Variants in ZNF334 observed in about 807,000 individuals in gnomAD.
ZNF334 encodes the protein zinc finger protein 334.
A neutral mutation model predicts 12.4 loss-of-function variants in ZNF334; 14 were observed. The ratio of observed to expected loss-of-function variants is 1.13; its 90% CI spans 0.74 to 1.76. ZNF334 has a LOEUF of 1.76. Ranked by LOEUF, ZNF334 falls within the 40% of genes most tolerant of loss-of-function variation. The pLI, the probability that ZNF334 is intolerant of heterozygous loss-of-function variation, is 0.00. For synonymous variants in ZNF334, 273 were observed against 269.6 expected (o/e 1.01, Z -0.12); for missense variants, 797 against 804.5 (o/e 0.99, Z 0.11).
In ZNF334 at chr20:46,500,417, T is replaced by C. The variant is rs1478225581; in HGVS notation, c.*879A>G. On this transcript the variant is annotated 3_prime_UTR_variant, in exon 5 of 5. Coordinates refer to ENST00000692313, the MANE Select transcript of ZNF334 (RefSeq NM_001353824.2). ...TGATCAGTGACTTCTAAACAATACCTCTAATGAACATGTTGATTAGGAAAT... is the reference window on the plus strand; with the variant it reads ...TGATCAGTGACTTCTAAACAATACCCCTAATGAACATGTTGATTAGGAAAT... 6 of 152,208 alleles carry C rather than the reference T, an allele frequency of 3.9e-5. No homozygotes were observed. Among genetic ancestry groups the C allele is most frequent in the Admixed American group, 3.9e-4 (6 of 15,288 alleles). The allele number at this position is 152,208 out of a possible 1,614,324, so 9.4% of individuals were successfully genotyped here. A position where few individuals can be genotyped will look rare whatever the true frequency, so the allele number is the denominator to read the frequency against.
Position 46,501,532 on chromosome 20 carries a change from T to G in ZNF334, c.1807A>C (p.Asn603His). Residue 603 changes from asparagine to histidine, a missense_variant, in exon 5 of 5, where the codon AAT (asparagine) becomes CAT (histidine). Physicochemically the swap from Asn to His is moderately conservative, Grantham distance 68 (BLOSUM62 1). Coordinates refer to ENST00000692313, the MANE Select transcript of ZNF334 (RefSeq NM_001353824.2). ...TGGCAGAAGGATTTCCCACATTCAT[T>G]ACATTCATATGGTTTCTCCCCAGTG... The part of the protein sequence containing the change: ...THTGEKPYEC[N>H]ECGKSFCHKS... 6.2e-7 allele frequency: 1 copy of G among 1,614,182 alleles called. No individual in the cohort carries two copies. Among genetic ancestry groups the G allele is most frequent in the Non-Finnish European group, 8.5e-7 (1 of 1,180,000 alleles).
At chr20:46,506,029 G>A (rs1394341821) in intron 2 of ZNF334, 3 of 238,506 alleles carry the variant, frequency 1.3e-5, no homozygotes, top group African/African-American at 2.2e-5. Flanking sequence ...CTGGGCTGAC[G>A]CTAGTAGTAT....
chr20:46,482,622 G>GT, the ZNF334 span, among the ~76,000 whole-genome samples: 8 of 151,848 alleles, frequency 5.3e-5, no homozygotes, highest in South Asian at 6.3e-4. Flanking sequence ...ACTGTCTTTA[G>GT]TTTTTTACAC....
Position 46,501,029 on chromosome 20 carries a change from T to C in ZNF334, c.*267A>G, listed in dbSNP as rs1260786067. The C allele has an allele frequency of 2.6e-6, 1 of 382,172 alleles. No homozygotes were observed. Among genetic ancestry groups the C allele is most frequent in the African/African-American group, 2.0e-5 (1 of 49,164 alleles). 23.7% of individuals were successfully genotyped at this position (382,172 alleles called of 1,614,324 possible). On this transcript the variant is annotated 3_prime_UTR_variant, in exon 5 of 5. Transcript: ENST00000692313. ...TTTAACTTAAACAATGTTTGTTTCA[T>C]TATTTTAAAAGGGAGGCACATTTGG...
intron 2 of ZNF334, chr20:46,506,124 T>C: frequency 2.6e-6 from 1 of 386,988 alleles, no homozygotes; most frequent in Non-Finnish European, 4.6e-6. Context: ...GTGCTTGAAG[T>C]GTCTGTTGAG....
intron 2 of ZNF334, chr20:46,509,482 C>T: frequency 1.5e-6 from 1 of 677,508 alleles, no homozygotes; most frequent in Non-Finnish European, 2.7e-6. Context: ...CAAGTTTCCT[C>T]AGCAGGAGCA....
the ZNF334 span, among the ~76,000 whole-genome samples, chr20:46,482,328 G>A: frequency 2.6e-5 from 4 of 152,198 alleles, no homozygotes; most frequent in African/African-American, 9.7e-5. Flanking sequence ...TGGAGATCAC[G>A]TTTCCATTAG....
In ZNF334 at chr20:46,499,689, T is replaced by C. The variant is rs2061088012; in HGVS notation, c.*1607A>G. On this transcript the variant is annotated 3_prime_UTR_variant, in exon 5 of 5. Transcript: ENST00000692313. ...TCAAAGTGAAAGGTAACTTAATTTCTTTCACAATAGCAACCAAATCTTTGA... is the reference window on the plus strand; with the variant it reads ...TCAAAGTGAAAGGTAACTTAATTTCCTTCACAATAGCAACCAAATCTTTGA... The C allele has an allele frequency of 6.6e-6, 1 of 152,242 alleles. No homozygotes were observed. The allele number at this position is 152,242 out of a possible 1,614,324, so 9.4% of individuals were successfully genotyped here.
the ZNF334 span, among the ~76,000 whole-genome samples, chr20:46,463,494 T>C: frequency 1.5e-3 from 232 of 152,278 alleles, 2 homozygotes; most frequent in East Asian, 0.027. Flanking sequence ...TAGAAGCGCA[T>C]ATCCCTTCAC....
Position 46,501,986 on chromosome 20 carries a change from A to C in ZNF334, c.1353T>G (p.His451Gln), listed in dbSNP as rs766314362. The change falls in exon 5 of 5, where the codon CAT becomes CAG. Residue 451 changes from histidine to glutamine, a missense_variant. Transcript: ENST00000692313. ...ACTTCTTTCCTCTATGAGTTATCTG[A>C]TGTGCAATGAGGGCTGATTTCGTAC... is the stretch of plus-strand genomic sequence containing the variant. ...FLCTKSALIA[H>Q]QITHRGKKSY... 1 of 1,614,056 alleles carries C rather than the reference A, an allele frequency of 6.2e-7. No homozygotes were observed. Among genetic ancestry groups the C allele is most frequent in the Admixed American group, 1.7e-5 (1 of 60,026 alleles).
chr20:46,512,354 T>A (rs1307930150), intron 1 of ZNF334, among the ~76,000 whole-genome samples, 186 bp downstream of exon 1: 1 of 152,244 alleles, frequency 6.6e-6, no homozygotes, highest in Non-Finnish European at 1.5e-5. Flanking sequence ...CAACAAATGT[T>A]TTCTACTGAA....
the ZNF334 span, among the ~76,000 whole-genome samples, chr20:46,470,123 C>CT: frequency 6.6e-6 from 1 of 152,198 alleles, no homozygotes; most frequent in Non-Finnish European, 1.5e-5. Flanking sequence ...ATTTTAACTT[C>CT]TCTCATTTTA....
the ZNF334 span, among the ~76,000 whole-genome samples, chr20:46,468,650 G>A: frequency 6.6e-6 from 1 of 152,104 alleles, no homozygotes; most frequent in African/African-American, 2.4e-5. Flanking sequence ...GAAAAAGGGT[G>A]GTAATCTCCA....
chr20:46,475,959 T>C, the ZNF334 span, among the ~76,000 whole-genome samples: 2 of 152,200 alleles, frequency 1.3e-5, no homozygotes, highest in Non-Finnish European at 2.9e-5. Context: ...CAAGAACCTA[T>C]ACACTAATTT....
chr20:46,509,632 T>C (rs888002232), intron 2 of ZNF334: 13 of 702,912 alleles, frequency 1.8e-5, no homozygotes, highest in Admixed American at 1.2e-4. Flanking sequence ...TTTCCCTTCA[T>C]TCAAGGTTCA....
At chr20:46,508,414 C>A (rs757360178) in intron 2 of ZNF334, among the ~76,000 whole-genome samples, 1 of 152,146 alleles carries the variant, frequency 6.6e-6, no homozygotes, top group Non-Finnish European at 1.5e-5. Flanking sequence ...AGTCTGTGGA[C>A]AAAGAATATG....
chr20:46,477,699 G>T, the ZNF334 span, among the ~76,000 whole-genome samples: 1 of 152,194 alleles, frequency 6.6e-6, no homozygotes, highest in Non-Finnish European at 1.5e-5. Context: ...TCCCTCACCA[G>T]CTGTGTTACT....
Position 46,500,537 on chromosome 20 carries a change from C to T in ZNF334, c.*759G>A, listed in dbSNP as rs915688904. 15 of 152,178 alleles carry T rather than the reference C, an allele frequency of 9.9e-5. No individual in the cohort carries two copies. The highest frequency in any genetic ancestry group is 3.4e-4 in the African/African-American group (14 of 41,436). 9.4% of individuals were successfully genotyped at this position (152,178 alleles called of 1,614,324 possible). ...AATACTAAAACCAGAGAAATAAACA[C>T]TTTTTGGATTCAACCATCATCCAAA... On this transcript the variant is annotated 3_prime_UTR_variant, in exon 5 of 5. Coordinates refer to ENST00000692313, the MANE Select transcript of ZNF334 (RefSeq NM_001353824.2).
At chr20:46,509,901 C>T in intron 2 of ZNF334, 1 of 577,412 alleles carries the variant, frequency 1.7e-6, no homozygotes, top group Non-Finnish European at 3.1e-6. Flanking sequence ...TGAGAACCAC[C>T]TCAGCACAGT....
Sources: allele counts gnomAD v4.1 joint callset (sites outside exome capture counted in the v4.1 genomes callset), GRCh38; gene constraint gnomAD v4.1.1; transcripts MANE v1.5; gene names NCBI Gene and HGNC (gene_info 2026-07-23, HGNC 2026-07-21).